PCDHA4: variants seen among roughly 807,000 people sequenced by gnomAD.
PCDHA4 encodes the protein protocadherin alpha 4, also known as protocadherin alpha-4.
A neutral mutation model predicts 61.4 loss-of-function variants in PCDHA4; 49 were observed. The observed-to-expected ratio is 0.80, with a 90% CI of 0.63 to 1.01. PCDHA4 has a LOEUF of 1.01. PCDHA4 is among the 50% of genes least tolerant of loss of function. The pLI, the probability that PCDHA4 is intolerant of heterozygous loss-of-function variation, is 0.00. For synonymous variants in PCDHA4, 590 were observed against 550.3 expected, an observed-to-expected ratio of 1.07 and a Z score of -1.01; for missense variants, 1,254 against 1,235.8, an observed-to-expected ratio of 1.01 and a Z score of -0.22.
Position 140,997,511 on chromosome 5 carries a change from G to A in PCDHA4, c.2534-12116G>A, listed in dbSNP as rs565737825. Among the ~76,000 whole-genome samples, 79 of 152,108 alleles carry A rather than the reference G, an allele frequency of 5.2e-4. No individual in the cohort carries two copies. In the South Asian group the frequency reaches 1.0e-2, roughly 19 times the overall value. ...TTTGTGTATCTCAACATACCTAAACGCAGAAAAAGTACAATAAAAATACAT... is the reference window on the plus strand; with the variant it reads ...TTTGTGTATCTCAACATACCTAAACACAGAAAAAGTACAATAAAAATACAT... On this transcript the variant is annotated intron_variant, in intron 3 of 3. Transcript: ENST00000530339.
chr5:140,828,404 C>A, intron 1 of PCDHA4: 1 of 1,614,252 alleles, frequency 6.2e-7, no homozygotes, highest in Non-Finnish European at 8.5e-7. Context: ...GTGCAGCATC[C>A]ACCTGGAGGT....
intron 1 of PCDHA4, chr5:140,926,762 C>T: frequency 7.5e-7 from 1 of 1,326,672 alleles, no homozygotes; most frequent in Non-Finnish European, 9.8e-7. Context: ...CGCTGAGTAT[C>T]CAGCCCGCAG....
intron 1 of PCDHA4, chr5:140,928,773 T>A: frequency 6.2e-7 from 1 of 1,614,164 alleles, no homozygotes; most frequent in Non-Finnish European, 8.5e-7. Context: ...TTCTTCCCAC[T>A]GATGCAGTTA....
In PCDHA4 at chr5:141,010,289, C is replaced by G. The variant is rs2098416832; in HGVS notation, c.*352C>G. The G allele has an allele frequency of 4.5e-6, 7 of 1,550,274 alleles. No homozygotes were observed. The highest frequency in any genetic ancestry group is 3.9e-5 in the Admixed American group (2 of 50,654). ...GGGGATCCTGTCTTGATGACACTTG[C>G]AGGGCAGGCTGAAAAGTTTTGAGAT... On this transcript the variant is annotated 3_prime_UTR_variant, in exon 4 of 4. Transcript: ENST00000530339.
rs1200077477 is a variant in PCDHA4, at chr5:140,898,429, C to T, written c.2386-80520C>T. 2.1e-3 allele frequency among the ~76,000 whole-genome samples: 312 copies of T among 150,132 alleles called. 2 individuals are homozygous for T. Among genetic ancestry groups the T allele is most frequent in the African/African-American group, 7.3e-3 (294 of 40,066 alleles). On this transcript the variant is annotated intron_variant, in intron 1 of 3. Coordinates refer to ENST00000530339, the MANE Select transcript of PCDHA4 (RefSeq NM_018907.4). ...ATACGGCTAGCCAGTTTTCCCAGCACCATTTATTAAATAGGGAATCCTTTC... is the reference window on the plus strand; with the variant it reads ...ATACGGCTAGCCAGTTTTCCCAGCATCATTTATTAAATAGGGAATCCTTTC...
intron 1 of PCDHA4, among the ~76,000 whole-genome samples, chr5:140,944,577 C>G (rs2093670906): frequency 6.6e-6 from 1 of 152,270 alleles, no homozygotes; most frequent in Admixed American, 6.5e-5. Flanking sequence ...CTGTAGAGAT[C>G]ACTTCAGAAT....
In PCDHA4 at chr5:140,822,327, T is replaced by G. The variant is rs1006404493; in HGVS notation, c.2385+12755T>G. 24 of 1,613,994 alleles carry G rather than the reference T, an allele frequency of 1.5e-5. 1 individual carries two copies. In the East Asian group the frequency reaches 4.0e-4, roughly 27 times the overall value. On this transcript the variant is annotated intron_variant, in intron 1 of 3. Transcript: ENST00000530339. ...ATTTTGACTTAGATGTTAAAACAAA[T>G]GAAGAAGAAACGAACTTTTTAGAGC... is the stretch of plus-strand genomic sequence containing the variant.
chr5:141,008,241 C>G (rs1474460463), intron 3 of PCDHA4, among the ~76,000 whole-genome samples: 2 of 152,118 alleles, frequency 1.3e-5, no homozygotes, highest in African/African-American at 2.4e-5. Flanking sequence ...TGCTCAGGGA[C>G]ACCAAATTAG....
chr5:140,824,708 T>A (rs1554130043), intron 1 of PCDHA4: 1 of 146,138 alleles, frequency 6.8e-6, no homozygotes, highest in African/African-American at 2.5e-5. Flanking sequence ...CATGCTCCCG[T>A]CTCAGCCTCC....
chr5:140,979,615 A>G (rs965487699), intron 2 of PCDHA4, among the ~76,000 whole-genome samples: 1 of 152,258 alleles, frequency 6.6e-6, no homozygotes, highest in Non-Finnish European at 1.5e-5. Context: ...GAGTAACGGT[A>G]TTAGTCTAAG....
chr5:140,869,517 A>AT, intron 1 of PCDHA4: 1 of 1,614,200 alleles, frequency 6.2e-7, no homozygotes, highest in East Asian at 2.2e-5. Flanking sequence ...TCAGAGAACA[A>AT]AAGCTGCTGA....
In PCDHA4 at chr5:141,010,893, A is replaced by G. The variant is rs76323061; in HGVS notation, c.*956A>G. On this transcript the variant is annotated 3_prime_UTR_variant, in exon 4 of 4. Transcript: ENST00000530339. ...TAAATCTTTAAAGAGAAATATGAAT[A>G]CAATTCCCCTAAACTCTCCTCAAAA... is the stretch of plus-strand genomic sequence containing the variant. 0.018 allele frequency: 2,808 copies of G among 153,906 alleles called. 48 individuals are homozygous for G. The highest frequency in any genetic ancestry group is 0.029 in the Non-Finnish European group (1,995 of 68,040). 9.5% of individuals were successfully genotyped at this position (153,906 alleles called of 1,614,324 possible).
In PCDHA4 at chr5:140,807,924, T is replaced by G. The variant is rs1245397116; in HGVS notation, c.737T>G (p.Ile246Ser). The change falls in exon 1 of 4, where the codon ATT (isoleucine) becomes AGT (serine). Residue 246 changes from isoleucine to serine, a missense_variant. Ile to Ser is a moderately radical substitution (Grantham distance 142, BLOSUM62 -2). Coordinates refer to ENST00000530339, the MANE Select transcript of PCDHA4 (RefSeq NM_018907.4). ...NDNAPAFDRT[I>S]YKVRLLENVP... ...AATGCCCCAGCTTTTGACAGAACCA[T>G]TTATAAGGTGAGATTACTAGAAAAT... 2 of 1,614,036 alleles carry G rather than the reference T, an allele frequency of 1.2e-6. No homozygotes were observed. Among genetic ancestry groups the G allele is most frequent in the Non-Finnish European group, 1.7e-6 (2 of 1,179,916 alleles).
intron 1 of PCDHA4, among the ~76,000 whole-genome samples, chr5:140,921,342 TA>T (rs1311011800): frequency 6.6e-6 from 1 of 152,188 alleles, no homozygotes; most frequent in African/African-American, 2.4e-5. Flanking sequence ...AATCACATAA[TA>T]TATTTGCCTA....
At chr5:140,896,148 G>A (rs1185038418) in intron 1 of PCDHA4, among the ~76,000 whole-genome samples, 1 of 152,162 alleles carries the variant, frequency 6.6e-6, no homozygotes, top group Non-Finnish European at 1.5e-5. Flanking sequence ...CACCATTGAT[G>A]GGCATTTAGG....
At chr5:140,990,114 A>G (rs1392233617) in intron 3 of PCDHA4, among the ~76,000 whole-genome samples, 9 of 151,936 alleles carry the variant, frequency 5.9e-5, no homozygotes, top group Admixed American at 4.6e-4. Flanking sequence ...GGAAATTGAG[A>G]GCTCTGTAGA....
intron 1 of PCDHA4, chr5:140,856,177 C>G (rs200004763): frequency 6.3e-7 from 1 of 1,598,248 alleles, no homozygotes; most frequent in East Asian, 2.2e-5. Context: ...ACGGCACCTT[C>G]GTGGGCCGCA....
chr5:140,846,341 GC>G (rs1780334025), intron 1 of PCDHA4, among the ~76,000 whole-genome samples: 1 of 144,650 alleles, frequency 6.9e-6, no homozygotes, highest in Non-Finnish European at 1.5e-5. Flanking sequence ...CTTTTAAAGT[GC>G]TTTCTCTTTT....
Position 140,850,525 on chromosome 5 carries a change from A to G in PCDHA4, c.2385+40953A>G, listed in dbSNP as rs2041657187. Reference sequence around the variant, plus strand: ...CTGGTGGAGAGCGGCCAGGCGCCAAAGTCATCGTCGCGGGCGTCAGTGGGT... The same window carrying G: ...CTGGTGGAGAGCGGCCAGGCGCCAAGGTCATCGTCGCGGGCGTCAGTGGGT... On this transcript the variant is annotated intron_variant, in intron 1 of 3. Transcript: ENST00000530339. 5.6e-6 allele frequency: 9 copies of G among 1,598,066 alleles called. 2 individuals are homozygous for G. Among genetic ancestry groups the G allele is most frequent in the African/African-American group, 1.3e-5 (1 of 74,316 alleles).
Sources: gnomAD v4.1 joint callset for allele counts (sites outside exome capture counted in the v4.1 genomes callset) on GRCh38, gnomAD v4.1.1 for gene constraint, MANE v1.5 for transcripts, NCBI Gene and HGNC (gene_info 2026-07-23, HGNC 2026-07-21) for gene names.